Variants in QTGAL observed in about 807,000 individuals in gnomAD.
QTGAL encodes the protein queuosine-tRNA galactosyltransferase, also known as BGnT-like protein 1.
chr17:83,049,997 G>C, the QTGAL span, among the ~76,000 whole-genome samples: 2 of 152,182 alleles, frequency 1.3e-5, no homozygotes, highest in Non-Finnish European at 2.9e-5. Context: ...AGTTGAAATT[G>C]TGTTGAAAAC....
At chr17:82,991,232 G>C in the QTGAL span, among the ~76,000 whole-genome samples, 4 of 152,154 alleles carry the variant, frequency 2.6e-5, no homozygotes, top group African/African-American at 7.2e-5. Flanking sequence ...TGGGGAGCAA[G>C]GTGGCTGATA....
At chr17:82,973,967 A>C in the QTGAL span, among the ~76,000 whole-genome samples, 3 of 152,100 alleles carry the variant, frequency 2.0e-5, no homozygotes, top group Non-Finnish European at 4.4e-5. Context: ...CCTGCCACTG[A>C]CCAGCAAGCA....
At chr17:83,039,931 C>A in the QTGAL span, among the ~76,000 whole-genome samples, 2 of 152,204 alleles carry the variant, frequency 1.3e-5, no homozygotes, top group South Asian at 2.1e-4. Context: ...CAGGACCCAA[C>A]AGAGGACTTA....
the QTGAL span, among the ~76,000 whole-genome samples, chr17:83,039,519 C>T: frequency 0.013 from 1,315 of 103,070 alleles, 17 homozygotes; most frequent in African/African-American, 0.057. Context: ...GGGCGCCCGC[C>T]GCCCGCCCCT....
At chr17:83,041,241 A>G in the QTGAL span, among the ~76,000 whole-genome samples, 3 of 152,204 alleles carry the variant, frequency 2.0e-5, no homozygotes, top group Non-Finnish European at 4.4e-5. Context: ...AGCATCTCAG[A>G]GAAAGCTGGA....
the QTGAL span, among the ~76,000 whole-genome samples, chr17:83,033,331 G>T: frequency 1.1e-4 from 17 of 152,096 alleles, no homozygotes; most frequent in Non-Finnish European, 2.1e-4. Flanking sequence ...ACAACCTGAA[G>T]CTTCTTTGTA....
chr17:83,018,040 T>C, the QTGAL span, among the ~76,000 whole-genome samples: 2 of 107,826 alleles, frequency 1.9e-5, no homozygotes, highest in South Asian at 3.3e-4. Flanking sequence ...ACGTGCTCCG[T>C]GAACACCGTG....
the QTGAL span, chr17:82,979,546 G>A: frequency 6.6e-6 from 1 of 152,052 alleles, no homozygotes; most frequent in African/African-American, 2.4e-5. Context: ...CAAATACTTA[G>A]GTATAAATCT....
chr17:83,004,617 T>C, the QTGAL span, among the ~76,000 whole-genome samples: 4 of 122,106 alleles, frequency 3.3e-5, no homozygotes, highest in Admixed American at 8.2e-5. Flanking sequence ...ATTCCTGAGC[T>C]CGCCCTCCCA....
the QTGAL span, among the ~76,000 whole-genome samples, chr17:82,998,457 T>G: frequency 6.6e-6 from 1 of 152,200 alleles, no homozygotes. Flanking sequence ...GCCATTCTCC[T>G]GCCTCAGCCT....
At chr17:82,985,832 C>T in the QTGAL span, among the ~76,000 whole-genome samples, 4 of 150,088 alleles carry the variant, frequency 2.7e-5, no homozygotes, top group South Asian at 6.4e-4. Context: ...TTCCCTGCCC[C>T]GTGAGACAGC....
chr17:82,948,526 C>G, the QTGAL span: 10 of 152,272 alleles, frequency 6.6e-5, no homozygotes, highest in Non-Finnish European at 1.2e-4. Context: ...AAAGTCCACA[C>G]CATGCACAGC....
the QTGAL span, among the ~76,000 whole-genome samples, chr17:82,997,937 A>ATATC: frequency 2.0e-5 from 3 of 148,160 alleles, no homozygotes; most frequent in South Asian, 2.1e-4. Context: ...AAAAATATAT[A>ATATC]TATATATATA....
the QTGAL span, among the ~76,000 whole-genome samples, chr17:82,986,977 A>G: frequency 6.6e-5 from 10 of 152,204 alleles, no homozygotes; most frequent in Non-Finnish European, 1.3e-4. Context: ...TACCCCCACG[A>G]GGCAGAGTGC....
the QTGAL span, among the ~76,000 whole-genome samples, chr17:82,982,030 A>C: frequency 6.6e-6 from 1 of 151,388 alleles, no homozygotes; most frequent in Non-Finnish European, 1.5e-5. Flanking sequence ...AGGAGCCTCC[A>C]TCTTTCTCAC....
the QTGAL span, among the ~76,000 whole-genome samples, chr17:83,012,742 AT>A: frequency 6.6e-6 from 1 of 152,106 alleles, no homozygotes; most frequent in African/African-American, 2.4e-5. Context: ...CTTTCCTCAC[AT>A]AAACTGTCCA....
chr17:82,973,224 G>T, the QTGAL span, among the ~76,000 whole-genome samples: 1 of 152,200 alleles, frequency 6.6e-6, no homozygotes, highest in African/African-American at 2.4e-5. Context: ...AGCTGGAGAC[G>T]CCCTGGTGGT....
At chr17:82,950,833 G>A in the QTGAL span, among the ~76,000 whole-genome samples, 1 of 152,186 alleles carries the variant, frequency 6.6e-6, no homozygotes, top group Non-Finnish European at 1.5e-5. Context: ...TGGGCCTAAC[G>A]GTGGGCTTAC....
the QTGAL span, among the ~76,000 whole-genome samples, chr17:83,024,277 G>A: frequency 1.4e-4 from 21 of 145,888 alleles, no homozygotes; most frequent in African/African-American, 4.5e-4. Flanking sequence ...GGCAGCCTCC[G>A]CCCGGGGTCC....
Sources: allele counts gnomAD v4.1 joint callset (sites outside exome capture counted in the v4.1 genomes callset), GRCh38; gene constraint gnomAD v4.1.1; transcripts MANE v1.5; gene names NCBI Gene and HGNC (gene_info 2026-07-23, HGNC 2026-07-21).